Variants in SLC38A10 observed in about 807,000 individuals in gnomAD.
The protein encoded by SLC38A10 is solute carrier family 38 member 10.
SLC38A10 carries 53 observed loss-of-function variants against 81.0 expected under a neutral mutation model. That is an observed-to-expected ratio of 0.65 (90% CI 0.53 to 0.82). SLC38A10 has a LOEUF of 0.82. Ranked by LOEUF, SLC38A10 falls within the 40% of genes least tolerant of loss-of-function variation. SLC38A10 has a pLI of 0.00. For synonymous variants in SLC38A10, 665 were observed against 655.3 expected (o/e 1.01, Z -0.23); for missense variants, 1,471 against 1,545.0 (o/e 0.95, Z 0.80).
rs1315792213 is a variant in SLC38A10 at position 81,253,941 on chromosome 17, C to T, written c.1289-701G>A. On this transcript the variant is annotated intron_variant, in intron 11 of 15. Transcript: ENST00000374759. This position sits in a 1 kb window ranked among gnomAD's most constrained non-coding sequence, Gnocchi z 4.1. ...ACCCTACCATCATTGCCATCACCTC[C>T]ATTATCGTCATCACCACCACCATCT... Among the ~76,000 whole-genome samples the T allele has an allele frequency of 6.6e-6, 1 of 151,900 alleles. No individual in the cohort carries two copies. Among genetic ancestry groups the T allele is most frequent in the African/African-American group, 2.4e-5 (1 of 41,214 alleles).
rs1452444280 is a variant in SLC38A10 at position 81,246,518 on chromosome 17, G to A, written c.2398C>T (p.Gln800Ter). 2 of 1,528,594 alleles carry A rather than the reference G, an allele frequency of 1.3e-6. No individual in the cohort carries two copies. The highest frequency in any genetic ancestry group is 4.3e-5 in the Admixed American group (2 of 46,008). The allele number at this position is 1,528,594 out of a possible 1,614,324, so 94.7% of individuals were successfully genotyped here. A position where few individuals can be genotyped will look rare whatever the true frequency, so the allele number is the denominator to read the frequency against. ...CCCTCAGAGTGCTCCAGGGAGCGCT[G>A]GTTAAGGTCCTGGGATGGAGCAGGG... ...GRPAPSQDLN[Q>*]RSLEHSEGPV... Residue 800 changes from glutamine to a stop codon, truncating the protein, a stop_gained, in exon 16 of 16, where the codon CAG becomes TAG. Transcript: ENST00000374759. LOFTEE classifies it low-confidence loss of function (END_TRUNC).
chr17:81,270,144 G>C lies in SLC38A10; in HGVS notation c.1131+774C>G, dbSNP rs142697932. ...GAATGATGAAGCCTGGAAGGTCCTG[G>C]GTGCAGGGACAGAGGCCTTGAGCCT... On this transcript the variant is annotated intron_variant, in intron 10 of 15. Transcript: ENST00000374759. This position sits in a 1 kb window ranked among gnomAD's most constrained non-coding sequence, Gnocchi z 4.0. Among the ~76,000 whole-genome samples the C allele has an allele frequency of 0.027, 4,115 of 152,270 alleles. 126 individuals carry two copies. Among genetic ancestry groups the C allele is most frequent in the Admixed American group, 0.083 (1,270 of 15,300 alleles).
At chr17:81,273,901 G>A (rs980755723) in intron 8 of SLC38A10, among the ~76,000 whole-genome samples, 20 of 152,248 alleles carry the variant, frequency 1.3e-4, no homozygotes, top group African/African-American at 4.8e-4. Flanking sequence ...ATGGGCCGAA[G>A]ACAAGAAAGC....
At position 81,295,253 on chromosome 17, in the gene SLC38A10, G is replaced by A. The variant is rs2063339610; in HGVS notation, c.-332C>T. 6.1e-6 allele frequency: 1 copy of A among 163,012 alleles called. No individual in the cohort carries two copies. The highest frequency in any genetic ancestry group is 2.4e-5 in the African/African-American group (1 of 41,678). 10.1% of individuals were successfully genotyped at this position (163,012 alleles called of 1,614,324 possible). A position where few individuals can be genotyped will look rare whatever the true frequency, so the allele number is the denominator to read the frequency against. On this transcript the variant is annotated 5_prime_UTR_variant, in exon 1 of 16. Coordinates refer to ENST00000374759, the MANE Select transcript of SLC38A10 (RefSeq NM_001037984.3). ...AGCCCAGACCCGGAAGAGCCGCAGA[G>A]CCAGCTAGGGACACCTCAGCCCAAC... is the stretch of plus-strand genomic sequence containing the variant.
At position 81,270,742 on chromosome 17, in the gene SLC38A10, C is replaced by T. The variant is rs570157382; in HGVS notation, c.1131+176G>A. Among the ~76,000 whole-genome samples, 8 of 152,316 alleles carry T rather than the reference C, an allele frequency of 5.3e-5. No homozygotes were observed. The highest frequency in any genetic ancestry group is 1.4e-4 in the African/African-American group (6 of 41,564). On this transcript the variant is annotated intron_variant, in intron 10 of 15. Coordinates refer to ENST00000374759, the MANE Select transcript of SLC38A10 (RefSeq NM_001037984.3). The surrounding 1 kb of genome is among the most constrained non-coding windows in gnomAD (Gnocchi z 4.0). ...GTGGCCCTGCTGGGCAAAGACCGTG[C>T]GTCCTGGTGAACCCAGGGTTCCCCA...
At chr17:81,268,868 G>A (rs968159053) in intron 10 of SLC38A10, among the ~76,000 whole-genome samples, 2 of 152,120 alleles carry the variant, frequency 1.3e-5, no homozygotes, top group African/African-American at 4.8e-5. Flanking sequence ...CAAGACAAAA[G>A]TCAACTGCAT....
At position 81,289,711 on chromosome 17, in the gene SLC38A10, C is replaced by T. The variant is rs780438487; in HGVS notation, c.197G>A (p.Arg66Gln). 4.3e-6 allele frequency: 7 copies of T among 1,610,676 alleles called. No individual in the cohort carries two copies. The highest frequency in any genetic ancestry group is 1.1e-5 in the South Asian group (1 of 90,796). Residue 66 changes from arginine to glutamine, a missense_variant, in exon 2 of 16, where the codon CGG becomes CAG. Arg to Gln is a conservative substitution (Grantham distance 43, BLOSUM62 1). Transcript: ENST00000374759. The surrounding 1 kb of genome is among the most constrained non-coding windows in gnomAD (Gnocchi z 5.9). ...CTCACCCAGGCCGGCGTAGGTCCTC[C>T]GCTTGCTCAGGCTGGCCGACTTCAC... The part of the protein sequence containing the change: ...FLVKSASLSK[R>Q]RTYAGLAFHA...
intron 14 of SLC38A10, 87 bp downstream of exon 14, chr17:81,251,406 G>A (rs2062911273): frequency 1.9e-6 from 3 of 1,611,464 alleles, no homozygotes; most frequent in Non-Finnish European, 1.7e-6. Flanking sequence ...GGGCTCCCGA[G>A]GATGACCTGG....
At chr17:81,285,105 G>A (rs977416587) in intron 2 of SLC38A10, 2 of 449,336 alleles carry the variant, frequency 4.5e-6, no homozygotes, top group Non-Finnish European at 8.1e-6. Flanking sequence ...GACAGAGCAA[G>A]GGAAGGACAG....
At chr17:81,280,492 A>C (rs1598401622) in intron 6 of SLC38A10, 117 bp downstream of exon 6, 1 of 1,437,706 alleles carries the variant, frequency 7.0e-7, no homozygotes, top group Non-Finnish European at 9.4e-7. Flanking sequence ...ACAAGACATC[A>C]CTCTTTAGCA....
At chr17:81,280,283 G>A (rs2063198639) in intron 6 of SLC38A10, 1 of 467,466 alleles carries the variant, frequency 2.1e-6, no homozygotes, top group Non-Finnish European at 4.1e-6. Flanking sequence ...CTAAATTCTG[G>A]CGAAGCGCTC....
Position 81,260,103 on chromosome 17 carries a change from G to A in SLC38A10, c.1288+135C>T, listed in dbSNP as rs563624995. 3.6e-6 allele frequency: 4 copies of A among 1,126,062 alleles called. No individual in the cohort carries two copies. In the Admixed American group the frequency reaches 1.1e-4, roughly 32 times the overall value. The allele number at this position is 1,126,062 out of a possible 1,614,324, so 69.8% of individuals were successfully genotyped here. ...CAGAGCATGTTCACAGGGGAGGCTGGTGGCCCCACCCTGCTGGCTGCACCC... is the reference window on the plus strand; with the variant it reads ...CAGAGCATGTTCACAGGGGAGGCTGATGGCCCCACCCTGCTGGCTGCACCC... On this transcript the variant is annotated intron_variant, in intron 11 of 15. Coordinates refer to ENST00000374759, the MANE Select transcript of SLC38A10 (RefSeq NM_001037984.3).
Position 81,246,475 on chromosome 17 carries a change from G to C in SLC38A10, c.2441C>G (p.Pro814Arg), listed in dbSNP as rs1479467059. 1 of 1,569,258 alleles carries C rather than the reference G, an allele frequency of 6.4e-7. No individual in the cohort carries two copies. Among genetic ancestry groups the C allele is most frequent in the Non-Finnish European group, 8.6e-7 (1 of 1,159,132 alleles). The change falls in exon 16 of 16, where the codon CCT (proline) becomes CGT (arginine). Residue 814 changes from proline (P) to arginine (R), a missense_variant. Transcript: ENST00000374759. ...AGGGCCGCCGTCAGGAGGGCCAGCA[G>C]GGTCTCTGCCCACAGGCCCCTCAGA... Reference protein sequence around the residue: ...EHSEGPVGRDPAGPPDGGPDT... With the variant: ...EHSEGPVGRDRAGPPDGGPDT...
Position 81,272,598 on chromosome 17 carries a change from G to GC in SLC38A10, c.941dup (p.Tyr315LeufsTer8). Reference sequence around the variant, plus strand: ...CTTTAAACCGGAGAGGGGGCATGTAGCCCCCTGCTGCAAAGGTGCCATCTT... The same window carrying GC: ...CTTTAAACCGGAGAGGGGGCATGTAGCCCCCCTGCTGCAAAGGTGCCATCTT... On this transcript the variant is annotated frameshift_variant, in exon 9 of 16. Transcript: ENST00000374759. LOFTEE classifies it high-confidence loss of function. 1.3e-6 allele frequency: 2 copies of GC among 1,560,780 alleles called. No homozygotes were observed. Among genetic ancestry groups the GC allele is most frequent in the East Asian group, 2.4e-5 (1 of 41,214 alleles).
chr17:81,288,526 G>A lies in SLC38A10; in HGVS notation c.217+1165C>T, dbSNP rs910180116. ...AGCCGAGAGGTGCCGAGCCTGTGGC[G>A]GGCAGGGAGACAGCGCGGGCCACAC... On this transcript the variant is annotated intron_variant, in intron 2 of 15. Transcript: ENST00000374759. This position sits in a 1 kb window ranked among gnomAD's most constrained non-coding sequence, Gnocchi z 5.4. 3.3e-5 allele frequency among the ~76,000 whole-genome samples: 5 copies of A among 152,202 alleles called. No individual in the cohort carries two copies. Among genetic ancestry groups the A allele is most frequent in the East Asian group, 1.9e-4 (1 of 5,194 alleles).
rs914265234 is a variant in SLC38A10, at chr17:81,281,541, C to T, written c.501+648G>A. 6.6e-6 allele frequency among the ~76,000 whole-genome samples: 1 copy of T among 152,106 alleles called. No individual in the cohort carries two copies. The highest frequency in any genetic ancestry group is 1.5e-5 in the Non-Finnish European group (1 of 68,008). Reference sequence around the variant, plus strand: ...CCTGTAACCCCAGCACTTTGGGAGGCTGAGGCGGGTGGGTAACAAGGTCAG... The same window carrying T: ...CCTGTAACCCCAGCACTTTGGGAGGTTGAGGCGGGTGGGTAACAAGGTCAG... On this transcript the variant is annotated intron_variant, in intron 5 of 15. Coordinates refer to ENST00000374759, the MANE Select transcript of SLC38A10 (RefSeq NM_001037984.3). The surrounding 1 kb of genome is among the most constrained non-coding windows in gnomAD (Gnocchi z 5.3).
At position 81,258,851 on chromosome 17, in the gene SLC38A10, G is replaced by A. The variant is rs1213313528; in HGVS notation, c.1288+1387C>T. On this transcript the variant is annotated intron_variant, in intron 11 of 15. Transcript: ENST00000374759. ...GCAAGGCAGCTCCACCGGCTGCTTCGGAACACTCCCAGTTTCCTTCTCTGG... is the reference window on the plus strand; with the variant it reads ...GCAAGGCAGCTCCACCGGCTGCTTCAGAACACTCCCAGTTTCCTTCTCTGG... Among the ~76,000 whole-genome samples the A allele has an allele frequency of 2.0e-5, 3 of 152,198 alleles. No individual in the cohort carries two copies. In the South Asian group the frequency reaches 6.2e-4, roughly 31 times the overall value.
At chr17:81,294,715 C>G (rs898381641) in intron 1 of SLC38A10, 108 bp downstream of exon 1, 2 of 1,026,830 alleles carry the variant, frequency 1.9e-6, no homozygotes, top group Non-Finnish European at 2.7e-6. Flanking sequence ...CGCCTGCACC[C>G]GCCCAGCGAA....
rs1333738974 is a variant in SLC38A10 at position 81,268,146 on chromosome 17, T to C, written c.1131+2772A>G. On this transcript the variant is annotated intron_variant, in intron 10 of 15. Coordinates refer to ENST00000374759, the MANE Select transcript of SLC38A10 (RefSeq NM_001037984.3). ...AAGCAGAAGATTCACCATTTGAGGG[T>C]GTCACTGCCCAGCTGAGACCCCAGA... is the stretch of plus-strand genomic sequence containing the variant. 3.3e-5 allele frequency among the ~76,000 whole-genome samples: 5 copies of C among 151,554 alleles called. No homozygotes were observed. The East Asian group carries it at 9.8e-4, about 30-fold the overall frequency.
Sources: gnomAD v4.1 joint callset for allele counts (sites outside exome capture counted in the v4.1 genomes callset) on GRCh38, gnomAD v4.1.1 for gene constraint, Gnocchi (gnomAD v3.1) non-coding constraint, MANE v1.5 for transcripts, NCBI Gene and HGNC (gene_info 2026-07-23, HGNC 2026-07-21) for gene names.